Variants in NCKAP5 observed in about 807,000 individuals in gnomAD.
The protein encoded by NCKAP5 is NCK associated protein 5, also known as nck-associated protein 5.
NCKAP5 carries 92 observed loss-of-function variants against 167.0 expected under a neutral mutation model. The ratio of observed to expected loss-of-function variants is 0.55; its 90% CI spans 0.47 to 0.66. The LOEUF is 0.66. Ranked by LOEUF, NCKAP5 falls within the 30% of genes least tolerant of loss-of-function variation. The pLI is 0.00. For missense variants in NCKAP5, 2,378 were observed against 2,315.0 expected, an observed-to-expected ratio of 1.03 and a Z score of -0.56; for synonymous variants, 891 against 877.4, an observed-to-expected ratio of 1.02 and a Z score of -0.27.
intron 4 of NCKAP5, among the ~76,000 whole-genome samples, chr2:133,272,016 T>C (rs888149096): frequency 6.6e-6 from 1 of 152,068 alleles, no homozygotes; most frequent in Non-Finnish European, 1.5e-5. Context: ...ATTTGAAATT[T>C]TTCTTAATAA....
chr2:132,752,374 GTAAAAGCATT>G (rs1381520814), intron 16 of NCKAP5, among the ~76,000 whole-genome samples: 1 of 152,232 alleles, frequency 6.6e-6, no homozygotes, highest in East Asian at 1.9e-4. Flanking sequence ...AGTCTAAAAA[GTAAAAGCATT>G]GAGCTTTGTT....
At chr2:133,511,861 G>A (rs542917604) in intron 3 of NCKAP5, among the ~76,000 whole-genome samples, 3 of 152,286 alleles carry the variant, frequency 2.0e-5, no homozygotes, top group South Asian at 4.1e-4. Flanking sequence ...CTTCCCAGAG[G>A]ACAACTTGGC....
At chr2:132,713,815 T>G (rs1689098212) in intron 19 of NCKAP5, among the ~76,000 whole-genome samples, 1 of 152,132 alleles carries the variant, frequency 6.6e-6, no homozygotes, top group African/African-American at 2.4e-5. Context: ...AGAAGCAAGC[T>G]GACTGGGGAA....
At chr2:133,418,407 A>G (rs984588989) in intron 3 of NCKAP5, among the ~76,000 whole-genome samples, 2 of 152,204 alleles carry the variant, frequency 1.3e-5, no homozygotes, top group Admixed American at 1.3e-4. Context: ...AGGAATAAAA[A>G]GCACACTGTA....
At chr2:133,200,989 T>C (rs1008907116) in intron 5 of NCKAP5, among the ~76,000 whole-genome samples, 1 of 152,194 alleles carries the variant, frequency 6.6e-6, no homozygotes, top group Admixed American at 6.5e-5. Flanking sequence ...AATACACATG[T>C]ACTTATGATA....
At chr2:133,275,362 CA>C (rs1277285730) in intron 4 of NCKAP5, among the ~76,000 whole-genome samples, 1 of 151,722 alleles carries the variant, frequency 6.6e-6, no homozygotes, top group East Asian at 1.9e-4. Context: ...ATAGGAACCC[CA>C]TATCTATGTA....
chr2:133,074,352 A>C (rs1301918877), intron 6 of NCKAP5, among the ~76,000 whole-genome samples: 1 of 135,456 alleles, frequency 7.4e-6, no homozygotes, highest in Non-Finnish European at 1.6e-5. Context: ...CATACCAAAA[A>C]ACCGAAAATT....
intron 16 of NCKAP5, among the ~76,000 whole-genome samples, chr2:132,747,692 C>A (rs551078883): frequency 6.6e-6 from 1 of 151,750 alleles, no homozygotes; most frequent in South Asian, 2.1e-4. Context: ...ATTTGACCTT[C>A]ATTACACCTC....
At chr2:133,579,042 C>T in the NCKAP5 span, among the ~76,000 whole-genome samples, 1 of 152,206 alleles carries the variant, frequency 6.6e-6, no homozygotes, top group Non-Finnish European at 1.5e-5. Flanking sequence ...ATAACAGTAA[C>T]CGTAATGGTC....
At chr2:133,442,427 G>A (rs1690917469) in intron 3 of NCKAP5, among the ~76,000 whole-genome samples, 1 of 152,186 alleles carries the variant, frequency 6.6e-6, no homozygotes, top group Non-Finnish European at 1.5e-5. Context: ...CTGCCTAACA[G>A]CTCCCCTCTG....
At chr2:133,490,634 A>C (rs1354359532) in intron 3 of NCKAP5, among the ~76,000 whole-genome samples, 1 of 152,206 alleles carries the variant, frequency 6.6e-6, no homozygotes, top group Admixed American at 6.5e-5. Context: ...AAAAGGTCCC[A>C]AGCTGAGGGA....
At chr2:133,282,788 A>G (rs894077944) in intron 4 of NCKAP5, among the ~76,000 whole-genome samples, 5 of 152,210 alleles carry the variant, frequency 3.3e-5, no homozygotes, top group African/African-American at 1.2e-4. Context: ...AATGGGAGCA[A>G]AGTGAAAGTC....
chr2:132,755,238 T>C (rs1437751325), intron 16 of NCKAP5, among the ~76,000 whole-genome samples: 1 of 152,176 alleles, frequency 6.6e-6, no homozygotes, highest in East Asian at 1.9e-4. Context: ...TGAAGTGAGA[T>C]ATTGCATGTG....
chr2:133,275,137 A>G (rs756344027), intron 4 of NCKAP5, among the ~76,000 whole-genome samples: 9 of 152,074 alleles, frequency 5.9e-5, no homozygotes, highest in Non-Finnish European at 1.0e-4. Flanking sequence ...AAGATAGTTA[A>G]GTGGCAATAA....
chr2:132,933,136 A>G (rs563368378), intron 8 of NCKAP5, among the ~76,000 whole-genome samples: 35 of 152,202 alleles, frequency 2.3e-4, no homozygotes, highest in African/African-American at 4.6e-4. Flanking sequence ...CGTGTTAGCC[A>G]GGATGGTCTC....
At chr2:133,437,710 T>A (rs1282873617) in intron 3 of NCKAP5, among the ~76,000 whole-genome samples, 1 of 152,188 alleles carries the variant, frequency 6.6e-6, no homozygotes, top group Non-Finnish European at 1.5e-5. Context: ...ATGTCAGACT[T>A]CTTGCATGTG....
At chr2:132,873,166 C>T (rs1449794373) in intron 9 of NCKAP5, among the ~76,000 whole-genome samples, 7 of 152,226 alleles carry the variant, frequency 4.6e-5, no homozygotes, top group South Asian at 4.1e-4. Context: ...TGCAGTAGCA[C>T]GATCTCGGCT....
chr2:133,294,536 A>G (rs996777426), intron 4 of NCKAP5, among the ~76,000 whole-genome samples: 3 of 151,396 alleles, frequency 2.0e-5, no homozygotes, highest in Non-Finnish European at 4.4e-5. Context: ...GAATAATGGC[A>G]TGTGGCCTCG....
intron 8 of NCKAP5, among the ~76,000 whole-genome samples, chr2:132,936,770 T>C (rs1296277870): frequency 6.6e-6 from 1 of 152,224 alleles, no homozygotes; most frequent in African/African-American, 2.4e-5. Flanking sequence ...TATTTTTTTC[T>C]TTTACTTTTT....
Sources: gnomAD v4.1 joint callset for allele counts (sites outside exome capture counted in the v4.1 genomes callset) on GRCh38, gnomAD v4.1.1 for gene constraint, MANE v1.5 for transcripts, NCBI Gene and HGNC (gene_info 2026-07-23, HGNC 2026-07-21) for gene names.